Variants in LYPD6 observed in about 807,000 individuals in gnomAD.
LYPD6 encodes the protein ly6/PLAUR domain-containing protein 6.
Under a neutral mutation model 22.7 loss-of-function variants are expected in LYPD6, and 15 were observed. The ratio of observed to expected loss-of-function variants is 0.66; its 90% CI spans 0.44 to 1.02. LYPD6 has a LOEUF of 1.02. Ranked by LOEUF, LYPD6 falls within the 50% of genes least tolerant of loss-of-function variation. The pLI, the probability that LYPD6 is intolerant of heterozygous loss-of-function variation, is 0.00. For missense variants in LYPD6, 189 were observed against 208.4 expected (o/e 0.91, Z 0.57); for synonymous variants, 72 against 77.5 (o/e 0.93, Z 0.37).
rs373105782 is a variant in LYPD6 at position 149,415,611 on chromosome 2, G to GAGGA, written c.-71-22013_-71-22010dup. Among the ~76,000 whole-genome samples, 74 of 152,186 alleles carry GAGGA rather than the reference G, an allele frequency of 4.9e-4. 1 individual carries two copies. Among genetic ancestry groups the GAGGA allele is most frequent in the African/African-American group, 1.8e-3 (73 of 41,550 alleles). ...CCCTTAACGAAGGAGAGAGAGAAGG[G>GAGGA]AGGAAGGAAGGAAGGAAAGAAAGAA... On this transcript the variant is annotated intron_variant, in intron 1 of 4. Transcript: ENST00000334166.
intron 1 of LYPD6, among the ~76,000 whole-genome samples, chr2:149,433,367 C>CT (rs1213287511): frequency 6.6e-6 from 1 of 152,186 alleles, no homozygotes; most frequent in Non-Finnish European, 1.5e-5. Context: ...CCTGTGCACA[C>CT]ACAGGACATG....
chr2:149,359,609 TATTAA>T (rs2105066605), intron 1 of LYPD6, among the ~76,000 whole-genome samples: 1 of 152,336 alleles, frequency 6.6e-6, no homozygotes, highest in South Asian at 2.1e-4. Context: ...ATCACAAGGC[TATTAA>T]ATTACAGAAA....
intron 3 of LYPD6, among the ~76,000 whole-genome samples, chr2:149,458,439 C>G (rs1338301708): frequency 6.6e-6 from 1 of 152,072 alleles, no homozygotes; most frequent in Admixed American, 6.5e-5. Flanking sequence ...TTAGTAGAGG[C>G]TACATGGGAA....
intron 3 of LYPD6, among the ~76,000 whole-genome samples, chr2:149,452,683 T>A (rs1680860802): frequency 6.6e-6 from 1 of 152,164 alleles, no homozygotes; most frequent in African/African-American, 2.4e-5. Flanking sequence ...ACACCCCAAA[T>A]TGCTTAGGGG....
At chr2:149,378,660 A>G (rs919499915) in intron 1 of LYPD6, among the ~76,000 whole-genome samples, 9 of 152,204 alleles carry the variant, frequency 5.9e-5, no homozygotes, top group Admixed American at 1.3e-4. Context: ...TCTTGCATTC[A>G]GCAATTTGCC....
At chr2:149,397,075 A>G (rs1682442978) in intron 1 of LYPD6, among the ~76,000 whole-genome samples, 1 of 152,272 alleles carries the variant, frequency 6.6e-6, no homozygotes, top group Non-Finnish European at 1.5e-5. Context: ...TAAAAAATAT[A>G]TTCTATCTGT....
chr2:149,484,761 C>A, the LYPD6 span, among the ~76,000 whole-genome samples: 1 of 151,986 alleles, frequency 6.6e-6, no homozygotes, highest in Non-Finnish European at 1.5e-5. Context: ...AGAAGCACAC[C>A]TAAATCAAAC....
At chr2:149,357,597 T>C (rs1269391494) in intron 1 of LYPD6, among the ~76,000 whole-genome samples, 1 of 152,180 alleles carries the variant, frequency 6.6e-6, no homozygotes, top group Admixed American at 6.5e-5. Flanking sequence ...TTACAAATTA[T>C]AATCTCACTA....
chr2:149,484,730 C>T, the LYPD6 span, among the ~76,000 whole-genome samples: 1 of 151,836 alleles, frequency 6.6e-6, no homozygotes, highest in African/African-American at 2.4e-5. Flanking sequence ...CCTAGTGGGA[C>T]CAAAACAAGG....
intron 3 of LYPD6, among the ~76,000 whole-genome samples, chr2:149,468,208 T>A (rs893201076): frequency 1.7e-4 from 25 of 148,210 alleles, no homozygotes; most frequent in Non-Finnish European, 3.0e-4. Context: ...CTGTAGTGTT[T>A]TATCTCCTTG....
At chr2:149,446,378 T>C (rs948030872) in intron 2 of LYPD6, among the ~76,000 whole-genome samples, 1 of 152,198 alleles carries the variant, frequency 6.6e-6, no homozygotes, top group Non-Finnish European at 1.5e-5. Context: ...AAAACTTCAA[T>C]TTGTAAAAAT....
rs372002803 is a variant in LYPD6, at chr2:149,417,494, G to A, written c.-71-20144G>A. Among the ~76,000 whole-genome samples the A allele has an allele frequency of 8.5e-4, 129 of 152,302 alleles. No homozygotes were observed. In the South Asian group the frequency reaches 0.011, roughly 12 times the overall value. The stretch of plus-strand genomic sequence containing the variant: ...TAGGCCATAGGCATGATGAAGAAAG[G>A]GGAAGTGATTTGAAGAGTATCTAGA... On this transcript the variant is annotated intron_variant, in intron 1 of 4. Transcript: ENST00000334166.
In LYPD6 at chr2:149,471,931, T is replaced by C. The variant is rs1163679576; in HGVS notation, c.*1081T>C. ...GGAAGCAAGGCATAATATGCGATGA[T>C]GAGGAGAAAGTAGACCAGTGAGGTG... On this transcript the variant is annotated 3_prime_UTR_variant, in exon 5 of 5. Coordinates refer to ENST00000334166, the MANE Select transcript of LYPD6 (RefSeq NM_194317.5). 1 of 152,604 alleles carries C rather than the reference T, an allele frequency of 6.6e-6. No individual in the cohort carries two copies. Among genetic ancestry groups the C allele is most frequent in the East Asian group, 1.9e-4 (1 of 5,194 alleles). The allele number at this position is 152,604 out of a possible 1,614,324, so 9.5% of individuals were successfully genotyped here. A position where few individuals can be genotyped will look rare whatever the true frequency, so the allele number is the denominator to read the frequency against.
At chr2:149,416,033 T>G (rs376329320) in intron 1 of LYPD6, among the ~76,000 whole-genome samples, 3 of 87,702 alleles carry the variant, frequency 3.4e-5, no homozygotes, top group African/African-American at 1.9e-4. Flanking sequence ...CGAGTCAAAG[T>G]TGCCACAGTT....
chr2:149,372,033 G>A (rs1457622605), intron 1 of LYPD6, among the ~76,000 whole-genome samples: 2 of 152,088 alleles, frequency 1.3e-5, no homozygotes, highest in African/African-American at 4.8e-5. Context: ...ATAGGAGAGC[G>A]GAGGCATTCC....
chr2:149,344,578 T>A (rs1178644054), intron 1 of LYPD6, among the ~76,000 whole-genome samples: 1 of 152,206 alleles, frequency 6.6e-6, no homozygotes, highest in Non-Finnish European at 1.5e-5. Flanking sequence ...GAATACTGAA[T>A]ATATAGAAAA....
chr2:149,343,108 A>G (rs1681192218), intron 1 of LYPD6, among the ~76,000 whole-genome samples: 1 of 152,170 alleles, frequency 6.6e-6, no homozygotes, highest in Non-Finnish European at 1.5e-5. Flanking sequence ...AATTCAAGAA[A>G]GGTCCAGTGC....
At chr2:149,394,427 A>G (rs1682382495) in intron 1 of LYPD6, among the ~76,000 whole-genome samples, 1 of 152,180 alleles carries the variant, frequency 6.6e-6, no homozygotes, top group Non-Finnish European at 1.5e-5. Context: ...TAACACCTCA[A>G]AATATAATAG....
At chr2:149,431,265 G>A (rs966735630) in intron 1 of LYPD6, among the ~76,000 whole-genome samples, 2 of 152,294 alleles carry the variant, frequency 1.3e-5, no homozygotes, top group African/African-American at 2.4e-5. Flanking sequence ...ATCATAAAAT[G>A]GAAACACAAT....
Sources: gnomAD v4.1 joint callset for allele counts (sites outside exome capture counted in the v4.1 genomes callset) on GRCh38, gnomAD v4.1.1 for gene constraint, MANE v1.5 for transcripts, NCBI Gene and HGNC (gene_info 2026-07-23, HGNC 2026-07-21) for gene names.